Variants in GALNT13 observed in about 807,000 individuals in gnomAD.
The protein encoded by GALNT13 is UDP-GalNAc:polypeptide N-acetylgalactosaminyltransferase 13.
A neutral mutation model predicts 64.2 loss-of-function variants in GALNT13; 28 were observed. The ratio of observed to expected loss-of-function variants is 0.44; its 90% CI spans 0.32 to 0.60. GALNT13 has a LOEUF of 0.60. Ranked by LOEUF, GALNT13 falls within the 20% of genes least tolerant of loss-of-function variation. GALNT13 has a pLI of 0.05. For missense variants in GALNT13, 577 were observed against 669.8 expected (o/e 0.86, Z 1.53); for synonymous variants, 214 against 224.6 (o/e 0.95, Z 0.42).
At chr2:154,148,686 G>A (rs1683776636) in intron 4 of GALNT13, among the ~76,000 whole-genome samples, 1 of 152,156 alleles carries the variant, frequency 6.6e-6, no homozygotes, top group Non-Finnish European at 1.5e-5. Context: ...GTGATGGTGA[G>A]CATTTTTTCA....
chr2:153,343,782 G>T, the GALNT13 span, among the ~76,000 whole-genome samples: 1 of 151,732 alleles, frequency 6.6e-6, no homozygotes, highest in South Asian at 2.1e-4. Flanking sequence ...CTATTTAAAG[G>T]TTTGTCCACC....
chr2:153,281,168 TAAG>T, the GALNT13 span, among the ~76,000 whole-genome samples: 611 of 152,322 alleles, frequency 4.0e-3, 3 homozygotes, highest in Non-Finnish European at 7.1e-3. Context: ...GTATCTGATA[TAAG>T]AATAGTGACT....
At chr2:153,685,651 A>G in the GALNT13 span, among the ~76,000 whole-genome samples, 1 of 152,012 alleles carries the variant, frequency 6.6e-6, no homozygotes, top group African/African-American at 2.4e-5. Flanking sequence ...TTTGCTGTGC[A>G]GAAGCTCTTC....
chr2:153,455,028 T>A, the GALNT13 span, among the ~76,000 whole-genome samples: 1 of 152,222 alleles, frequency 6.6e-6, no homozygotes, highest in African/African-American at 2.4e-5. Flanking sequence ...CCTGATTTTT[T>A]TGAGTGGGGG....
chr2:153,401,810 C>T, the GALNT13 span, among the ~76,000 whole-genome samples: 1 of 151,802 alleles, frequency 6.6e-6, no homozygotes, highest in Non-Finnish European at 1.5e-5. Context: ...TATTTTGAGC[C>T]TATGTGTGTC....
intron 9 of GALNT13, among the ~76,000 whole-genome samples, chr2:154,359,130 T>G (rs574616867): frequency 6.6e-6 from 1 of 152,170 alleles, no homozygotes; most frequent in Admixed American, 6.6e-5. Flanking sequence ...GTGTTTTGAC[T>G]TTCCTTCCCC....
chr2:154,095,418 G>C (rs1350287932), intron 3 of GALNT13, among the ~76,000 whole-genome samples: 1 of 151,710 alleles, frequency 6.6e-6, no homozygotes, highest in African/African-American at 2.4e-5. Context: ...CAATGTAATT[G>C]GGTGTTTTTT....
At chr2:153,110,438 G>A in the GALNT13 span, among the ~76,000 whole-genome samples, 1 of 152,040 alleles carries the variant, frequency 6.6e-6, no homozygotes, top group African/African-American at 2.4e-5. Flanking sequence ...TTTTGAAAAC[G>A]CTGTTCTTTT....
chr2:153,407,581 A>G, the GALNT13 span, among the ~76,000 whole-genome samples: 1 of 152,148 alleles, frequency 6.6e-6, no homozygotes, highest in East Asian at 1.9e-4. Flanking sequence ...ATCATATATA[A>G]CTTATTAACC....
At chr2:154,396,475 A>T (rs1416158495) in intron 10 of GALNT13, among the ~76,000 whole-genome samples, 4 of 152,222 alleles carry the variant, frequency 2.6e-5, no homozygotes, top group African/African-American at 9.6e-5. Context: ...TGAGAACTTT[A>T]AAACCCATTT....
the GALNT13 span, among the ~76,000 whole-genome samples, chr2:153,571,838 A>G: frequency 8.6e-5 from 13 of 151,822 alleles, no homozygotes; most frequent in Non-Finnish European, 1.6e-4. Context: ...GTATTGTTGT[A>G]TTTGGTTTGC....
intron 7 of GALNT13, among the ~76,000 whole-genome samples, chr2:154,258,259 A>G (rs751038150): frequency 1.8e-4 from 28 of 152,156 alleles, no homozygotes; most frequent in Non-Finnish European, 3.2e-4. Context: ...ATCTTTTAAA[A>G]ACTTCACATC....
At chr2:153,975,405 C>G (rs1214859317) in intron 3 of GALNT13, among the ~76,000 whole-genome samples, 1 of 152,066 alleles carries the variant, frequency 6.6e-6, no homozygotes, top group Non-Finnish European at 1.5e-5. Flanking sequence ...ACATGCCTCT[C>G]TCTCTAACCT....
rs199843837 is a variant in GALNT13, at chr2:154,335,937, A to AT, written c.1156+34356dup. ...ATTTCCACTAAGTCTAAATTTATGT[A>AT]TTTTTTTTAGTGTTTACACCTTAGG... On this transcript the variant is annotated intron_variant, in intron 9 of 12. Coordinates refer to ENST00000392825, the MANE Select transcript of GALNT13 (RefSeq NM_052917.4). Among the ~76,000 whole-genome samples the AT allele has an allele frequency of 9.6e-3, 1,452 of 151,850 alleles. 25 individuals are homozygous for AT. Among genetic ancestry groups the AT allele is most frequent in the African/African-American group, 0.033 (1,366 of 41,450 alleles).
the GALNT13 span, among the ~76,000 whole-genome samples, chr2:153,775,155 CAG>C: frequency 6.6e-6 from 1 of 152,020 alleles, no homozygotes; most frequent in African/African-American, 2.4e-5. Flanking sequence ...GGTTTAGAGA[CAG>C]AGGAGGAGGA....
chr2:153,606,987 G>T, the GALNT13 span, among the ~76,000 whole-genome samples: 1 of 149,880 alleles, frequency 6.7e-6, no homozygotes, highest in Non-Finnish European at 1.5e-5. Flanking sequence ...ATATATAGAT[G>T]CACTTTTCTT....
intron 3 of GALNT13, among the ~76,000 whole-genome samples, chr2:154,051,494 G>A (rs1238294784): frequency 6.6e-6 from 1 of 151,474 alleles, no homozygotes; most frequent in Non-Finnish European, 1.5e-5. Flanking sequence ...GTTTCACCTT[G>A]TTAGCCAGGA....
At chr2:153,795,620 T>C in the GALNT13 span, among the ~76,000 whole-genome samples, 2 of 152,192 alleles carry the variant, frequency 1.3e-5, no homozygotes, top group East Asian at 1.9e-4. Context: ...TTATGACCTC[T>C]ACATAAAATA....
chr2:153,999,066 C>T (rs1574298075), intron 3 of GALNT13, among the ~76,000 whole-genome samples: 1 of 151,880 alleles, frequency 6.6e-6, no homozygotes, highest in Admixed American at 6.6e-5. Flanking sequence ...TTTCATGTGG[C>T]ACCAAAAAAG....
Sources: gnomAD v4.1 joint callset for allele counts (sites outside exome capture counted in the v4.1 genomes callset) on GRCh38, gnomAD v4.1.1 for gene constraint, MANE v1.5 for transcripts, NCBI Gene and HGNC (gene_info 2026-07-23, HGNC 2026-07-21) for gene names.